The following ANO4 variants were observed in gnomAD, a reference collection of about 807,000 sequenced individuals.
ANO4 encodes anoctamin 4, also known as anoctamin-4.
A neutral mutation model predicts 141.9 loss-of-function variants in ANO4; 69 were observed. The observed-to-expected ratio is 0.49, with a 90% CI of 0.40 to 0.59. The LOEUF is 0.59. Among genes scored for constraint, ANO4 ranks in the 20% least tolerant of loss-of-function variants. The pLI is 0.00. For missense variants in ANO4, 894 were observed against 1,162.2 expected (o/e 0.77, Z 3.36); for synonymous variants, 350 against 394.3 (o/e 0.89, Z 1.33).
intron 8 of ANO4, among the ~76,000 whole-genome samples, chr12:101,009,775 T>A (rs1593002250): frequency 2.0e-5 from 3 of 152,138 alleles, no homozygotes; most frequent in East Asian, 1.9e-4. Context: ...TTCAGAAAAA[T>A]TTTCTTGAAT....
At chr12:100,839,097 G>C (rs1328227998) in intron 1 of ANO4, among the ~76,000 whole-genome samples, 1 of 151,988 alleles carries the variant, frequency 6.6e-6, no homozygotes, top group Non-Finnish European at 1.5e-5. Context: ...ATTCTCCTAA[G>C]AATTTTATAC....
At chr12:101,116,192 A>G (rs1250674445) in intron 24 of ANO4, among the ~76,000 whole-genome samples, 1 of 152,230 alleles carries the variant, frequency 6.6e-6, no homozygotes, top group Admixed American at 6.5e-5. Context: ...AAGCAGAGGC[A>G]TGAAAACATC....
In ANO4 at chr12:100,861,003, G is replaced by A. The variant is rs60889523; in HGVS notation, c.-140-40643G>A. ...AACAGCAAGATTTATTGTGAAGAGC[G>A]AAAGAACAAAGCTTCCACAGCATGG... On this transcript the variant is annotated intron_variant, in intron 1 of 27. Transcript: ENST00000392977. 2.5e-3 allele frequency among the ~76,000 whole-genome samples: 374 copies of A among 152,244 alleles called. 2 individuals carry two copies. The highest frequency in any genetic ancestry group is 0.018 in the East Asian group (93 of 5,176).
At chr12:101,094,996 A>G (rs2049923022) in intron 18 of ANO4, among the ~76,000 whole-genome samples, 1 of 152,200 alleles carries the variant, frequency 6.6e-6, no homozygotes, top group South Asian at 2.1e-4. Context: ...TACATTTATC[A>G]CATTTTCAAA....
At position 100,794,803 on chromosome 12, in the gene ANO4, A is replaced by G. The variant is rs2034199474; in HGVS notation, c.-365A>G. 1 of 152,180 alleles carries G rather than the reference A, an allele frequency of 6.6e-6. No individual in the cohort carries two copies. Among genetic ancestry groups the G allele is most frequent in the African/African-American group, 2.4e-5 (1 of 41,392 alleles). 9.4% of individuals were successfully genotyped at this position (152,180 alleles called of 1,614,324 possible). ...TTTCACTCCGGCTCGCTCTCCGGAG[A>G]GTCCTGTTCCAGACTTCTCAGGGTT... is the stretch of plus-strand genomic sequence containing the variant. On this transcript the variant is annotated 5_prime_UTR_variant, in exon 1 of 28. Transcript: ENST00000392977.
intron 5 of ANO4, among the ~76,000 whole-genome samples, chr12:100,951,727 G>A (rs2042975828): frequency 6.6e-6 from 1 of 152,202 alleles, no homozygotes; most frequent in South Asian, 2.1e-4. Context: ...TGCTTAGCTT[G>A]TGGAATCCTG....
intron 1 of ANO4, among the ~76,000 whole-genome samples, chr12:100,841,702 T>A (rs2037258005): frequency 6.6e-6 from 1 of 152,168 alleles, no homozygotes. Context: ...ACTGCTAGCC[T>A]TCATATTAGT....
chr12:100,895,146 A>AC (rs1565981392), intron 1 of ANO4, among the ~76,000 whole-genome samples: 1 of 119,180 alleles, frequency 8.4e-6, no homozygotes, highest in African/African-American at 3.1e-5. Context: ...TCCCTTCTAC[A>AC]GGTTTTTTTT....
intron 2 of ANO4, among the ~76,000 whole-genome samples, chr12:100,912,129 C>T (rs2041127535): frequency 6.6e-6 from 1 of 152,012 alleles, no homozygotes; most frequent in African/African-American, 2.4e-5. Context: ...GGCGCGGTGG[C>T]TCATATACGT....
At chr12:101,108,458 T>C (rs1360912509) in intron 22 of ANO4, among the ~76,000 whole-genome samples, 2 of 152,166 alleles carry the variant, frequency 1.3e-5, no homozygotes, top group African/African-American at 4.8e-5. Context: ...TGCGTCGGTT[T>C]CCTTACCTGT....
intron 26 of ANO4, 51 bp downstream of exon 26, chr12:101,120,676 T>A: frequency 7.0e-7 from 1 of 1,422,960 alleles, no homozygotes; most frequent in Non-Finnish European, 9.9e-7. Context: ...ATGAAGTCAG[T>A]AGGAGTAATG....
chr12:101,076,914 A>T (rs1037669251), intron 14 of ANO4, among the ~76,000 whole-genome samples: 1 of 152,176 alleles, frequency 6.6e-6, no homozygotes, highest in Admixed American at 6.5e-5. Context: ...GGTGAGGCAG[A>T]GGGCAAGCGT....
At position 100,718,181 on chromosome 12, in the gene ANO4, A is replaced by G. The variant is rs537916409; in HGVS notation, c.22+634A>G. Among the ~76,000 whole-genome samples the G allele has an allele frequency of 3.8e-4, 58 of 152,346 alleles. No homozygotes were observed. The South Asian group carries it at 8.3e-3, about 22-fold the overall frequency. The stretch of plus-strand genomic sequence containing the variant: ...TACATATATACATGTGTGGTATTGC[A>G]TGGTTCTGAAGGAAAACAAAATCAC... On this transcript the variant is annotated intron_variant, in intron 1 of 29. Coordinates refer to the ANO4 transcript ENST00000644049.
chr12:100,835,518 T>C lies in ANO4; in HGVS notation c.-141+40491T>C, dbSNP rs1593466644. 2.0e-5 allele frequency among the ~76,000 whole-genome samples: 3 copies of C among 152,170 alleles called. No homozygotes were observed. The East Asian group carries it at 5.8e-4, about 29-fold the overall frequency. On this transcript the variant is annotated intron_variant, in intron 1 of 27. Coordinates refer to ENST00000392977, the MANE Select transcript of ANO4 (RefSeq NM_001286615.2). ...TTGATGTTGTAAAGTATTGACCACA[T>C]AAACTACTATAAAAGTTTTTTGAGA... is the stretch of plus-strand genomic sequence containing the variant.
At chr12:100,789,724 A>G (rs2033981121) in intron 3 of ANO4, among the ~76,000 whole-genome samples, 1 of 152,214 alleles carries the variant, frequency 6.6e-6, no homozygotes, top group Non-Finnish European at 1.5e-5. Context: ...TATATGGTTC[A>G]TAAGCTTGTA....
chr12:100,764,223 A>G (rs1190570987), intron 3 of ANO4, among the ~76,000 whole-genome samples: 1 of 152,210 alleles, frequency 6.6e-6, no homozygotes, highest in Admixed American at 6.5e-5. Flanking sequence ...TATACAGTGC[A>G]ATATGGCATT....
intron 22 of ANO4, among the ~76,000 whole-genome samples, chr12:101,104,564 C>T (rs925715313): frequency 6.0e-5 from 8 of 132,872 alleles, no homozygotes; most frequent in Admixed American, 3.2e-4. Flanking sequence ...ATATTCTCTA[C>T]GTTATTTCAG....
At position 100,840,730 on chromosome 12, in the gene ANO4, A is replaced by G. The variant is rs550367372; in HGVS notation, c.-141+45703A>G. On this transcript the variant is annotated intron_variant, in intron 1 of 27. Transcript: ENST00000392977. ...CAAACATATCTCTTTTCCAGACTGT[A>G]GTAACATAGAGACCCCCTCAAAGAT... is the stretch of plus-strand genomic sequence containing the variant. Among the ~76,000 whole-genome samples the G allele has an allele frequency of 1.9e-4, 29 of 152,252 alleles. No homozygotes were observed. In the South Asian group the frequency reaches 5.4e-3, roughly 28 times the overall value.
intron 1 of ANO4, among the ~76,000 whole-genome samples, chr12:100,900,900 A>T (rs1026469395): frequency 3.3e-5 from 5 of 152,198 alleles, no homozygotes; most frequent in Admixed American, 3.3e-4. Context: ...AGGAACCTCC[A>T]ATGGTGAACA....
Sources: allele counts gnomAD v4.1 joint callset (sites outside exome capture counted in the v4.1 genomes callset), GRCh38; gene constraint gnomAD v4.1.1; transcripts MANE v1.5; gene names NCBI Gene and HGNC (gene_info 2026-07-23, HGNC 2026-07-21).